The following CFAP91 variants were observed in gnomAD, a reference collection of about 807,000 sequenced individuals.
CFAP91 encodes cilia and flagella associated protein 91, also known as cilia- and flagella-associated protein 91.
CFAP91 carries 85 observed loss-of-function variants against 95.9 expected under a neutral mutation model. That is an observed-to-expected ratio of 0.89 (90% CI 0.74 to 1.06). CFAP91 has a LOEUF of 1.06. CFAP91 is among the 50% of genes least tolerant of loss of function. CFAP91 has a pLI of 0.00. For synonymous variants in CFAP91, 335 were observed against 327.5 expected (o/e 1.02, Z -0.25); for missense variants, 962 against 943.4 (o/e 1.02, Z -0.26).
intron 13 of CFAP91, 99 bp downstream of exon 13, chr3:119,740,794 G>T: frequency 7.3e-7 from 1 of 1,369,018 alleles, no homozygotes. Flanking sequence ...ATGAAATGAT[G>T]AAAAAGAAAC....
rs768429115 is a variant in CFAP91 at position 119,750,992 on chromosome 3, C to A, written c.2199C>A (p.Tyr733Ter). 13 of 1,613,948 alleles carry A rather than the reference C, an allele frequency of 8.1e-6. No homozygotes were observed. The highest frequency in any genetic ancestry group is 1.6e-4 in the Middle Eastern group (1 of 6,062). Residue 733 changes from tyrosine to a stop codon, truncating the protein, a stop_gained, in exon 17 of 18, where the codon TAC (tyrosine) becomes TAA (stop). Coordinates refer to ENST00000273390, the MANE Select transcript of CFAP91 (RefSeq NM_033364.4). LOFTEE classifies it high-confidence loss of function. ...ILAAHQIIHS[Y>*]TESMVQKKLT... ...CAGCCCATCAGATCATCCACAGTTA[C>A]ACGGAAAGCATGGTTCAAAAGAAAT...
intron 7 of CFAP91, among the ~76,000 whole-genome samples, chr3:119,728,342 C>T (rs996657823): frequency 4.6e-5 from 7 of 152,190 alleles, no homozygotes; most frequent in Non-Finnish European, 7.3e-5. Flanking sequence ...CCAGGACCTA[C>T]TGAATCAGGG....
intron 7 of CFAP91, among the ~76,000 whole-genome samples, chr3:119,729,807 AC>A (rs1317407822): frequency 2.0e-5 from 3 of 152,184 alleles, no homozygotes; most frequent in Non-Finnish European, 2.9e-5. Context: ...TATGCCAGGA[AC>A]TGGCATTTTC....
chr3:119,736,701 T>G (rs186273021), intron 10 of CFAP91, among the ~76,000 whole-genome samples: 1 of 152,370 alleles, frequency 6.6e-6, no homozygotes, highest in East Asian at 1.9e-4. Context: ...TCATCCAGGT[T>G]TTAACACATC....
Position 119,730,339 on chromosome 3 carries a change from A to C in CFAP91, c.980A>C (p.Glu327Ala). The C allele has an allele frequency of 6.2e-7, 1 of 1,614,204 alleles. No individual in the cohort carries two copies. Among genetic ancestry groups the C allele is most frequent in the Non-Finnish European group, 8.5e-7 (1 of 1,180,030 alleles). Residue 327 changes from glutamate to alanine, a missense_variant, in exon 8 of 18, where the codon GAG becomes GCG. Coordinates refer to ENST00000273390, the MANE Select transcript of CFAP91 (RefSeq NM_033364.4). ...TGGTCTAAACTGCAGGAGGGAAAAG[A>C]GGCAAAAATGGCAAAAATTCAGCGC... ...ARWSKLQEGK[E>A]AKMAKIQRTH...
intron 9 of CFAP91, 42 bp from the exon 10 acceptor site, chr3:119,733,322 C>A: frequency 6.3e-7 from 1 of 1,598,188 alleles, no homozygotes; most frequent in African/African-American, 1.3e-5. Flanking sequence ...AAATAATAAA[C>A]GTAAGCACTG....
intron 10 of CFAP91, among the ~76,000 whole-genome samples, chr3:119,736,416 C>T (rs1186103354): frequency 3.3e-5 from 5 of 151,668 alleles, no homozygotes; most frequent in African/African-American, 7.3e-5. Context: ...GGACTACAGG[C>T]GCCCACCACC....
At chr3:119,740,444 A>G in intron 12 of CFAP91, 105 bp from the exon 13 acceptor site, 2 of 1,321,968 alleles carry the variant, frequency 1.5e-6, no homozygotes, top group Non-Finnish European at 2.1e-6. Flanking sequence ...GGCAGGACAG[A>G]ACCCACTGTT....
At chr3:119,723,860 T>C (rs756245302) in intron 6 of CFAP91, among the ~76,000 whole-genome samples, 4 of 152,134 alleles carry the variant, frequency 2.6e-5, no homozygotes, top group Non-Finnish European at 5.9e-5. Flanking sequence ...GTGCTTGGCA[T>C]AATAAAAGTG....
At chr3:119,710,938 T>G (rs2053460693) in intron 5 of CFAP91, among the ~76,000 whole-genome samples, 1 of 152,198 alleles carries the variant, frequency 6.6e-6, no homozygotes, top group Non-Finnish European at 1.5e-5. Flanking sequence ...TTTGCTACAC[T>G]CTTTCCTCTG....
chr3:119,707,217 A>C (rs2053382367), intron 2 of CFAP91, 187 bp from the exon 3 acceptor site: 2 of 524,680 alleles, frequency 3.8e-6, no homozygotes, highest in Non-Finnish European at 6.7e-6. Context: ...CCCTCCACAT[A>C]AACAGCCATT....
intron 8 of CFAP91, among the ~76,000 whole-genome samples, chr3:119,732,090 A>G (rs1020898990): frequency 6.6e-6 from 1 of 151,880 alleles, no homozygotes; most frequent in African/African-American, 2.4e-5. Flanking sequence ...TGCTTCTGTC[A>G]CTCCTGCCTG....
At chr3:119,705,136 T>G (rs1282660555) in intron 1 of CFAP91, among the ~76,000 whole-genome samples, 1 of 152,056 alleles carries the variant, frequency 6.6e-6, no homozygotes, top group Admixed American at 6.5e-5. Context: ...TTTCTCTTAC[T>G]ATGATAGGGA....
intron 5 of CFAP91, among the ~76,000 whole-genome samples, chr3:119,712,982 AAC>A (rs2053500291): frequency 6.6e-6 from 1 of 151,928 alleles, no homozygotes; most frequent in African/African-American, 2.4e-5. Context: ...AAAAAAAAAA[AAC>A]AACTATTTAA....
chr3:119,705,986 A>G (rs1437138393), intron 1 of CFAP91: 1 of 152,252 alleles, frequency 6.6e-6, no homozygotes, highest in African/African-American at 2.4e-5. Context: ...TTGTTTCTAA[A>G]TCACAATTCC....
At chr3:119,706,720 A>G in intron 1 of CFAP91, 89 bp from the exon 2 acceptor site, 3 of 997,970 alleles carry the variant, frequency 3.0e-6, no homozygotes, top group Non-Finnish European at 4.7e-6. Flanking sequence ...TTTGTTTTCC[A>G]ATTAAGAGAT....
chr3:119,712,252 A>T (rs969151821), intron 5 of CFAP91, among the ~76,000 whole-genome samples: 1 of 152,238 alleles, frequency 6.6e-6, no homozygotes, highest in African/African-American at 2.4e-5. Context: ...AGAAATTAAG[A>T]AGTTAGTTAA....
rs777888852 is a variant in CFAP91, at chr3:119,747,153, A to G, written c.1941A>G (p.Leu647=). Residue 647 remains leucine, a synonymous_variant, in exon 15 of 18, where the codon CTA becomes CTG. Transcript: ENST00000273390. ...KVHHSTISSY[L]EDIILNTEAN... ...ACCATAGTACTATAAGCTCCTACCT[A>G]GAAGACATAATACTGAATACCGAAG... 19 of 1,612,846 alleles carry G rather than the reference A, an allele frequency of 1.2e-5. No individual in the cohort carries two copies. Among genetic ancestry groups the G allele is most frequent in the Non-Finnish European group, 1.6e-5 (19 of 1,179,430 alleles).
intron 9 of CFAP91, among the ~76,000 whole-genome samples, chr3:119,733,053 G>C (rs775110153): frequency 4.6e-5 from 7 of 152,098 alleles, no homozygotes; most frequent in African/African-American, 1.4e-4. Context: ...ACTTTAGAAG[G>C]GTGGCACCAC....
Sources: gnomAD v4.1 joint callset for allele counts (sites outside exome capture counted in the v4.1 genomes callset) on GRCh38, gnomAD v4.1.1 for gene constraint, MANE v1.5 for transcripts, NCBI Gene and HGNC (gene_info 2026-07-23, HGNC 2026-07-21) for gene names.